LARP4B: variants seen among roughly 807,000 people sequenced by gnomAD.
The protein encoded by LARP4B is la-related protein 4B.
A neutral mutation model predicts 89.8 loss-of-function variants in LARP4B; 12 were observed. The observed-to-expected ratio is 0.13, with a 90% CI of 0.09 to 0.22. The LOEUF is 0.22. LARP4B is among the 10% of genes least tolerant of loss of function. The pLI is 1.00. For missense variants in LARP4B, 757 were observed against 947.7 expected (o/e 0.80, Z 2.64); for synonymous variants, 367 against 363.3 (o/e 1.01, Z -0.12).
At chr10:875,218 C>A (rs759978107) in intron 3 of LARP4B, among the ~76,000 whole-genome samples, 3 of 152,210 alleles carry the variant, frequency 2.0e-5, no homozygotes, top group Non-Finnish European at 4.4e-5. Context: ...AGTCTCAGCT[C>A]CATTTTTACA....
upstream of LARP4B, among the ~76,000 whole-genome samples, chr10:932,744 G>T (rs1830686051): frequency 8.8e-6 from 1 of 113,004 alleles, no homozygotes; most frequent in Admixed American, 1.0e-4. Flanking sequence ...CCCCACACCT[G>T]AGACGAAGGT....
intron 3 of LARP4B, among the ~76,000 whole-genome samples, chr10:876,995 C>T (rs1035865280): frequency 6.6e-6 from 1 of 152,130 alleles, no homozygotes; most frequent in African/African-American, 2.4e-5. Flanking sequence ...ACCACTGGGC[C>T]CACTCAAGCA....
the LARP4B span, among the ~76,000 whole-genome samples, chr10:937,547 C>G: frequency 6.6e-6 from 1 of 152,150 alleles, no homozygotes; most frequent in Non-Finnish European, 1.5e-5. Flanking sequence ...CCATCTGAAT[C>G]AAGTAATCAA....
At chr10:964,602 GAC>G in the LARP4B span, among the ~76,000 whole-genome samples, 1 of 152,148 alleles carries the variant, frequency 6.6e-6, no homozygotes, top group South Asian at 2.1e-4. Context: ...GGACATGTCA[GAC>G]GTCAGAGGCC....
the LARP4B span, among the ~76,000 whole-genome samples, chr10:939,781 A>C: frequency 6.6e-6 from 1 of 152,256 alleles, no homozygotes; most frequent in Admixed American, 6.5e-5. Flanking sequence ...AGACTTCATA[A>C]GCACCTGGAG....
At chr10:921,217 G>A in intron 1 of LARP4B, among the ~76,000 whole-genome samples, 1 of 151,688 alleles carries the variant, frequency 6.6e-6, no homozygotes, top group East Asian at 1.9e-4. Context: ...AGGTTGCAGT[G>A]AGCCGAGATC....
At chr10:828,038 G>A (rs78938714) in intron 11 of LARP4B, among the ~76,000 whole-genome samples, 1,757 of 152,188 alleles carry the variant, frequency 0.012, 32 homozygotes, top group African/African-American at 0.04. Context: ...CCCTTCACAC[G>A]GCCTTAGGAG....
the LARP4B span, among the ~76,000 whole-genome samples, chr10:977,612 G>A: frequency 6.6e-6 from 1 of 151,734 alleles, no homozygotes; most frequent in East Asian, 1.9e-4. Flanking sequence ...TGGGATTATA[G>A]GCGTGAGCCA....
In LARP4B at chr10:834,958, C is replaced by T. The variant is rs191742333; in HGVS notation, c.750+1445G>A. Among the ~76,000 whole-genome samples the T allele has an allele frequency of 2.5e-3, 374 of 150,468 alleles. 2 individuals are homozygous for T. Among genetic ancestry groups the T allele is most frequent in the African/African-American group, 8.8e-3 (360 of 40,836 alleles). On this transcript the variant is annotated intron_variant, in intron 8 of 17. Transcript: ENST00000316157. ...GGGAGGCTGAGGCAGGAGAAGCACT[C>T]GAACCTGGGAGGTGGAGGTTGCAGT...
the LARP4B span, among the ~76,000 whole-genome samples, chr10:969,327 C>T: frequency 6.6e-6 from 1 of 152,182 alleles, no homozygotes. Flanking sequence ...TTGAATTCAG[C>T]TGCTGCGGGT....
At chr10:880,056 G>A (rs1835609240) in intron 3 of LARP4B, among the ~76,000 whole-genome samples, 1 of 152,026 alleles carries the variant, frequency 6.6e-6, no homozygotes, top group Non-Finnish European at 1.5e-5. Context: ...TTACAGACAT[G>A]AGCCACCGCA....
chr10:878,364 T>G (rs956308973), intron 3 of LARP4B, among the ~76,000 whole-genome samples: 3 of 152,134 alleles, frequency 2.0e-5, no homozygotes, highest in African/African-American at 7.2e-5. Context: ...AAGCACTGGC[T>G]CCATGAGATG....
the LARP4B span, among the ~76,000 whole-genome samples, chr10:961,614 C>T: frequency 5.8e-5 from 8 of 137,988 alleles, no homozygotes; most frequent in African/African-American, 2.5e-4. Flanking sequence ...CGGCGTGGTG[C>T]CAGCATCTGC....
At chr10:948,775 T>C in the LARP4B span, among the ~76,000 whole-genome samples, 2 of 152,234 alleles carry the variant, frequency 1.3e-5, no homozygotes, top group Non-Finnish European at 2.9e-5. Context: ...TGGTCTGGAC[T>C]CCCTTCACCA....
the LARP4B span, among the ~76,000 whole-genome samples, chr10:940,022 T>A: frequency 3.4e-5 from 5 of 147,778 alleles, no homozygotes; most frequent in South Asian, 6.5e-4. Context: ...ATTTTTTTTT[T>A]TTTTTTTTTT....
chr10:898,387 G>C (rs1386224967), intron 1 of LARP4B, among the ~76,000 whole-genome samples: 2 of 152,118 alleles, frequency 1.3e-5, no homozygotes, highest in Non-Finnish European at 2.9e-5. Context: ...TACTCCTAGG[G>C]ATATATCCCA....
the LARP4B span, among the ~76,000 whole-genome samples, chr10:977,919 G>A: frequency 2.0e-5 from 3 of 152,094 alleles, no homozygotes; most frequent in African/African-American, 7.2e-5. Context: ...CTGGGTGTGG[G>A]GGTGGGTGAG....
At chr10:960,816 G>A in the LARP4B span, among the ~76,000 whole-genome samples, 1 of 151,684 alleles carries the variant, frequency 6.6e-6, no homozygotes, top group Admixed American at 6.6e-5. Flanking sequence ...GGACCCCTTA[G>A]AGCATTGAGG....
rs2131579554 is a variant in LARP4B, at chr10:809,800, A to T, written c.*3126T>A. The T allele has an allele frequency of 6.5e-6, 1 of 152,832 alleles. No individual in the cohort carries two copies. Among genetic ancestry groups the T allele is most frequent in the African/African-American group, 2.4e-5 (1 of 41,602 alleles). The allele number at this position is 152,832 out of a possible 1,614,324, so 9.5% of individuals were successfully genotyped here. ...TGGGCCGCGAGGCACGCAAGCCGCA[A>T]CTACAGCTCGCCAGCGGGGCACACA... On this transcript the variant is annotated 3_prime_UTR_variant, in exon 18 of 18. Coordinates refer to ENST00000316157, the MANE Select transcript of LARP4B (RefSeq NM_015155.3).
Sources: gnomAD v4.1 joint callset for allele counts (sites outside exome capture counted in the v4.1 genomes callset) on GRCh38, gnomAD v4.1.1 for gene constraint, MANE v1.5 for transcripts, NCBI Gene and HGNC (gene_info 2026-07-23, HGNC 2026-07-21) for gene names.